The following IL12RB2 variants were observed in gnomAD, a reference collection of about 807,000 sequenced individuals.
IL12RB2 encodes the protein interleukin 12 receptor subunit beta 2.
In IL12RB2, 82 loss-of-function variants were observed where a neutral mutation model predicts 89.4. The ratio of observed to expected loss-of-function variants is 0.92; its 90% CI spans 0.77 to 1.10. The LOEUF is 1.10. Among genes scored for constraint, IL12RB2 ranks in the 50% least tolerant of loss-of-function variants. The probability of loss-of-function intolerance (pLI) is 0.00; values close to 1 mark genes in which losing one functional copy is unlikely to be tolerated. For synonymous variants in IL12RB2, 368 were observed against 370.1 expected (o/e 0.99, Z 0.07); for missense variants, 963 against 1,031.9 (o/e 0.93, Z 0.92).
chr1:67,366,038 G>A (rs1662628258), intron 10 of IL12RB2, among the ~76,000 whole-genome samples: 2 of 152,146 alleles, frequency 1.3e-5, no homozygotes, highest in South Asian at 4.1e-4. Flanking sequence ...AAAGTTGTCT[G>A]CAAATCAGAA....
intron 10 of IL12RB2, among the ~76,000 whole-genome samples, chr1:67,354,665 G>A (rs1424114621): frequency 6.6e-6 from 1 of 152,166 alleles, no homozygotes; most frequent in African/African-American, 2.4e-5. Context: ...AGAAGGACCT[G>A]GAGAACAAAT....
chr1:67,343,245 G>A (rs889715412), intron 9 of IL12RB2, among the ~76,000 whole-genome samples: 22 of 151,992 alleles, frequency 1.4e-4, no homozygotes, highest in African/African-American at 4.6e-4. Context: ...CCATCACCAC[G>A]CCCAGCTAAT....
At position 67,367,879 on chromosome 1, in the gene IL12RB2, T is replaced by G. The variant is rs747772914; in HGVS notation, c.1313T>G (p.Leu438Arg). 9.3e-6 allele frequency: 15 copies of G among 1,610,290 alleles called. No homozygotes were observed. Among genetic ancestry groups the G allele is most frequent in the Non-Finnish European group, 1.3e-5 (15 of 1,176,408 alleles). Residue 438 changes from leucine (L) to arginine (R), a missense_variant, in exon 11 of 17, where the codon CTG becomes CGG. Coordinates refer to ENST00000674203, the MANE Select transcript of IL12RB2 (RefSeq NM_001374259.2). ...AACTCAGAGGGCATGGACAACATTC[T>G]GGTGACTTGGCAGCCTCCCAGGAAA... is the stretch of plus-strand genomic sequence containing the variant. The part of the protein sequence containing the change: ...SANSEGMDNI[L>R]VTWQPPRKDP...
At chr1:67,363,004 G>A (rs1343696031) in intron 10 of IL12RB2, among the ~76,000 whole-genome samples, 1 of 151,474 alleles carries the variant, frequency 6.6e-6, no homozygotes, top group Non-Finnish European at 1.5e-5. Flanking sequence ...CCTGGTTCAA[G>A]CGATTCTCCT....
At chr1:67,392,647 TTTG>T (rs1665951202) in intron 16 of IL12RB2, among the ~76,000 whole-genome samples, 1 of 148,344 alleles carries the variant, frequency 6.7e-6, no homozygotes, top group East Asian at 2.0e-4. Context: ...TTTTTTTTTT[TTTG>T]AGACGGAGTC....
At chr1:67,369,701 A>G (rs1663079487) in intron 11 of IL12RB2, among the ~76,000 whole-genome samples, 1 of 152,250 alleles carries the variant, frequency 6.6e-6, no homozygotes, top group African/African-American at 2.4e-5. Flanking sequence ...ACTTAGTGAA[A>G]TAAGTGTCTT....
chr1:67,385,295 G>C (rs929354905), intron 14 of IL12RB2, among the ~76,000 whole-genome samples: 1 of 152,208 alleles, frequency 6.6e-6, no homozygotes, highest in Non-Finnish European at 1.5e-5. Context: ...GGAGAGAGAA[G>C]AATGAGAGCA....
At position 67,391,636 on chromosome 1, in the gene IL12RB2, G is replaced by A. The variant is rs577557854; in HGVS notation, c.2046+1508G>A. On this transcript the variant is annotated intron_variant, in intron 16 of 16. Transcript: ENST00000674203. ...AACCCATAAACATCTCTATGAGGTC[G>A]TATGATTTTTTTTTTTTTGAGACAG... Among the ~76,000 whole-genome samples, 7 of 150,318 alleles carry A rather than the reference G, an allele frequency of 4.7e-5. No individual in the cohort carries two copies. The South Asian group carries it at 8.4e-4, about 18-fold the overall frequency.
At chr1:67,375,184 C>A (rs1372278734) in intron 13 of IL12RB2, among the ~76,000 whole-genome samples, 2 of 151,872 alleles carry the variant, frequency 1.3e-5, no homozygotes, top group African/African-American at 4.8e-5. Flanking sequence ...CGTTTGAGCC[C>A]AATAGGTCAA....
intron 15 of IL12RB2, among the ~76,000 whole-genome samples, chr1:67,387,957 C>A (rs1423895577): frequency 6.6e-6 from 1 of 152,104 alleles, no homozygotes. Flanking sequence ...GCAGGCAGAT[C>A]ACCTCAGGTC....
chr1:67,392,551 C>T (rs951277183), intron 16 of IL12RB2, among the ~76,000 whole-genome samples: 3 of 151,472 alleles, frequency 2.0e-5, no homozygotes, highest in African/African-American at 4.8e-5. Flanking sequence ...TGGTGGTTGC[C>T]TCCAGGGAGA....
At chr1:67,372,114 G>A (rs1185748330) in intron 11 of IL12RB2, among the ~76,000 whole-genome samples, 8 of 151,774 alleles carry the variant, frequency 5.3e-5, no homozygotes, top group African/African-American at 1.7e-4. Context: ...ATTTAAATCC[G>A]TGTTGGAACT....
intron 1 of IL12RB2, among the ~76,000 whole-genome samples, chr1:67,309,245 A>G (rs1654702156): frequency 1.3e-5 from 2 of 152,188 alleles, no homozygotes; most frequent in African/African-American, 4.8e-5. Context: ...CCTTAAAAAC[A>G]TGGTGAAATT....
chr1:67,385,686 G>A (rs1376922788), intron 14 of IL12RB2, among the ~76,000 whole-genome samples: 1 of 152,224 alleles, frequency 6.6e-6, no homozygotes, highest in Non-Finnish European at 1.5e-5. Context: ...GTAGTAAAAT[G>A]CTGTAGTTCT....
chr1:67,381,634 C>T (rs1664585790), intron 14 of IL12RB2, among the ~76,000 whole-genome samples: 1 of 151,972 alleles, frequency 6.6e-6, no homozygotes, highest in African/African-American at 2.4e-5. Context: ...GGCATGGTGG[C>T]GGGCGCCTGT....
chr1:67,375,650 A>G (rs1663880437), intron 13 of IL12RB2, among the ~76,000 whole-genome samples: 1 of 152,072 alleles, frequency 6.6e-6, no homozygotes. Context: ...GCATATGTGG[A>G]GCACAGTAAG....
chr1:67,379,110 T>C (rs1664290899), intron 13 of IL12RB2, among the ~76,000 whole-genome samples: 2 of 150,050 alleles, frequency 1.3e-5, no homozygotes, highest in East Asian at 2.0e-4. Context: ...GGCAGGAGAA[T>C]TGATTGAACC....
At chr1:67,349,848 T>C (rs1369500744) in intron 9 of IL12RB2, among the ~76,000 whole-genome samples, 1 of 152,218 alleles carries the variant, frequency 6.6e-6, no homozygotes, top group Admixed American at 6.5e-5. Context: ...CAAATTATAA[T>C]CAGAAGGCCA....
At chr1:67,375,371 G>A (rs1202242567) in intron 13 of IL12RB2, among the ~76,000 whole-genome samples, 1 of 152,200 alleles carries the variant, frequency 6.6e-6, no homozygotes, top group Non-Finnish European at 1.5e-5. Flanking sequence ...CTCCAGCCTG[G>A]GCGACAGAGA....
Sources: allele counts gnomAD v4.1 joint callset (sites outside exome capture counted in the v4.1 genomes callset), GRCh38; gene constraint gnomAD v4.1.1; transcripts MANE v1.5; gene names NCBI Gene and HGNC (gene_info 2026-07-23, HGNC 2026-07-21).